Variants in UGT2B17 observed in about 807,000 individuals in gnomAD.
UGT2B17 encodes the protein UDP-glucuronosyltransferase 2B17.
In UGT2B17, 21 loss-of-function variants were observed where a neutral mutation model predicts 48.2. The observed-to-expected ratio is 0.44, with a 90% CI of 0.31 to 0.63. UGT2B17 has a LOEUF of 0.63. Ranked by LOEUF, UGT2B17 falls within the 20% of genes least tolerant of loss-of-function variation. UGT2B17 has a pLI of 0.08. For missense variants in UGT2B17, 402 were observed against 696.1 expected, an observed-to-expected ratio of 0.58 and a Z score of 4.75; for synonymous variants, 146 against 238.4, an observed-to-expected ratio of 0.61 and a Z score of 3.57.
chr4:68,571,234 A>AT lies in UGT2B17; in HGVS notation c.-64-2687dup, dbSNP rs1731293755. On this transcript the variant is annotated intron_variant, in intron 1 of 6. Coordinates refer to ENST00000317746, the MANE Select transcript of UGT2B17 (RefSeq NM_001077.4). ...TCATCTTTTCCTATGGCTATGCTTCATTTTTTTGTTCCCAGGAAGCATAGA... is the reference window on the plus strand; with the variant it reads ...TCATCTTTTCCTATGGCTATGCTTCATTTTTTTTGTTCCCAGGAAGCATAGA... 1.6e-5 allele frequency among the ~76,000 whole-genome samples: 2 copies of AT among 124,366 alleles called. 1 individual carries two copies. The highest frequency in any genetic ancestry group is 5.5e-5 in the African/African-American group (2 of 36,152). The allele number at this position is 124,366 out of a possible 152,430, so 81.6% of individuals were successfully genotyped here.
Position 68,537,676 on chromosome 4 carries a change from C to G in UGT2B17, c.1542G>C (p.Leu514=). Residue 514 remains leucine, a synonymous_variant, in exon 7 of 7, where the codon CTG becomes CTC. Transcript: ENST00000317746. The part of the protein sequence containing the change: ...TMIFMITKCC[L]FCFRKLAKTG... Reference sequence around the variant, plus strand: ...TTTTGGCAAGCTTTCGGAAACAAAACAGGCAACATTTTGTGATCATAAATA... The same window carrying G: ...TTTTGGCAAGCTTTCGGAAACAAAAGAGGCAACATTTTGTGATCATAAATA... 3 of 1,376,996 alleles carry G rather than the reference C, an allele frequency of 2.2e-6. No individual in the cohort carries two copies. The highest frequency in any genetic ancestry group is 2.8e-6 in the Non-Finnish European group (3 of 1,053,430). The allele number at this position is 1,376,996 out of a possible 1,614,324, so 85.3% of individuals were successfully genotyped here.
Position 68,567,746 on chromosome 4 carries a change from G to T in UGT2B17, c.724+15C>A. ...AATTAGAACTTAATAAACACCAATT[G>T]GACACACGACTTACCTAGAACTTCA... On this transcript the variant is annotated intron_variant, in intron 2 of 6. Coordinates refer to ENST00000317746, the MANE Select transcript of UGT2B17 (RefSeq NM_001077.4). 1 of 1,294,482 alleles carries T rather than the reference G, an allele frequency of 7.7e-7. No individual in the cohort carries two copies. Among genetic ancestry groups the T allele is most frequent in the Admixed American group, 2.8e-5 (1 of 35,830 alleles). 80.2% of individuals were successfully genotyped at this position (1,294,482 alleles called of 1,614,324 possible).
intron 1 of UGT2B17, among the ~76,000 whole-genome samples, chr4:68,570,235 A>G (rs2109779424): frequency 7.8e-6 from 1 of 127,478 alleles, no homozygotes; most frequent in Middle Eastern, 4.0e-3. Flanking sequence ...AAGATTTCAC[A>G]TGAAATGGTC....
chr4:68,558,667 A>T (rs1379206056), intron 4 of UGT2B17, among the ~76,000 whole-genome samples: 1 of 126,156 alleles, frequency 7.9e-6, no homozygotes, highest in African/African-American at 2.7e-5. Context: ...CCTGCTTAGG[A>T]ATAAACCTTC....
rs1473466629 is a variant in UGT2B17 at position 68,557,991 on chromosome 4, A to G, written c.1005+2546T>C. On this transcript the variant is annotated intron_variant, in intron 4 of 6. Coordinates refer to ENST00000317746, the MANE Select transcript of UGT2B17 (RefSeq NM_001077.4). ...AGAGGAATTCACCCAACTCATAGGT[A>G]TTTGATGGTACAAATCTATGGCTTG... Among the ~76,000 whole-genome samples, 4 of 125,362 alleles carry G rather than the reference A, an allele frequency of 3.2e-5. 1 individual carries two copies. The highest frequency in any genetic ancestry group is 6.8e-5 in the Non-Finnish European group (4 of 59,176). The allele number at this position is 125,362 out of a possible 152,430, so 82.2% of individuals were successfully genotyped here. A position where few individuals can be genotyped will look rare whatever the true frequency, so the allele number is the denominator to read the frequency against.
intron 6 of UGT2B17, among the ~76,000 whole-genome samples, chr4:68,546,763 G>A (rs1258560122): frequency 3.2e-5 from 4 of 125,042 alleles, no homozygotes; most frequent in African/African-American, 1.1e-4. Flanking sequence ...AAAATCACAA[G>A]CATTCTTATA....
intron 4 of UGT2B17, among the ~76,000 whole-genome samples, chr4:68,554,276 AAAG>A (rs1277130807): frequency 1.6e-5 from 2 of 123,970 alleles, no homozygotes; most frequent in Non-Finnish European, 3.4e-5. Flanking sequence ...AATGATGAGA[AAAG>A]AAGAAGAATG....
rs544517714 is a variant in UGT2B17, at chr4:68,574,947, C to T, written c.-65+1004G>A. 1.2e-4 allele frequency among the ~76,000 whole-genome samples: 8 copies of T among 66,438 alleles called. 3 individuals are homozygous for T. The South Asian group carries it at 6.8e-3, about 56-fold the overall frequency. 43.6% of individuals were successfully genotyped at this position (66,438 alleles called of 152,430 possible). On this transcript the variant is annotated intron_variant, in intron 1 of 6. Coordinates refer to ENST00000317746, the MANE Select transcript of UGT2B17 (RefSeq NM_001077.4). ...TCTTTTTACATAAATTTTACCTCCTCCCCCCCCTTTTTTTTTTGAAGATAA... is the reference window on the plus strand; with the variant it reads ...TCTTTTTACATAAATTTTACCTCCTTCCCCCCCTTTTTTTTTTGAAGATAA...
rs1731069041 is a variant in UGT2B17 at position 68,559,765 on chromosome 4, G to A, written c.1005+772C>T. ...TAGTTCCTGCTCCTTCCTCAATGTG[G>A]AGAAGGCACTAATCTGATTCTTAGA... is the stretch of plus-strand genomic sequence containing the variant. On this transcript the variant is annotated intron_variant, in intron 4 of 6. Transcript: ENST00000317746. 2.4e-5 allele frequency among the ~76,000 whole-genome samples: 3 copies of A among 125,966 alleles called. 1 individual carries two copies. Among genetic ancestry groups the A allele is most frequent in the Non-Finnish European group, 5.0e-5 (3 of 59,530 alleles). 82.6% of individuals were successfully genotyped at this position (125,966 alleles called of 152,430 possible). A position where few individuals can be genotyped will look rare whatever the true frequency, so the allele number is the denominator to read the frequency against.
rs200575231 is a variant in UGT2B17 at position 68,568,164 on chromosome 4, C to G, written c.321G>C (p.Trp107Cys). Residue 107 changes from tryptophan (W) to cysteine (C), a missense_variant, in exon 2 of 7, where the codon TGG becomes TGC. Around this residue, in one of 5 missense-constraint regions of UGT2B17, gnomAD observed 84 missense variants for 92.6 expected, o/e 0.91. Transcript: ENST00000317746. ...ATTCTTGTAGTTGTGAAAAATATGA[C>G]CAAAATGTATTTTTTGAAATACTAT... is the stretch of plus-strand genomic sequence containing the variant. ...WTYSISKNTF[W>C]SYFSQLQELC... 1 of 1,379,656 alleles carries G rather than the reference C, an allele frequency of 7.2e-7. No homozygotes were observed. The highest frequency in any genetic ancestry group is 9.5e-7 in the Non-Finnish European group (1 of 1,053,996). The allele number at this position is 1,379,656 out of a possible 1,614,324, so 85.5% of individuals were successfully genotyped here.
At chr4:68,545,706 G>T (rs1171000826) in intron 6 of UGT2B17, among the ~76,000 whole-genome samples, 1 of 124,772 alleles carries the variant, frequency 8.0e-6, no homozygotes, top group Non-Finnish European at 1.7e-5. Flanking sequence ...AAAGAGAGAC[G>T]AATCAAATAG....
At position 68,569,648 on chromosome 4, in the gene UGT2B17, A is replaced by G. The variant is rs955926901; in HGVS notation, c.-64-1100T>C. 4.0e-5 allele frequency among the ~76,000 whole-genome samples: 5 copies of G among 125,956 alleles called. 1 individual carries two copies. The highest frequency in any genetic ancestry group is 1.4e-4 in the African/African-American group (5 of 36,816). The allele number at this position is 125,956 out of a possible 152,430, so 82.6% of individuals were successfully genotyped here. Reference sequence around the variant, plus strand: ...GCTGCTTGCATCAGCAGCGTGTGTCAGCAAGATAGCAGAAGCAGGAAGAGA... The same window carrying G: ...GCTGCTTGCATCAGCAGCGTGTGTCGGCAAGATAGCAGAAGCAGGAAGAGA... On this transcript the variant is annotated intron_variant, in intron 1 of 6. Coordinates refer to ENST00000317746, the MANE Select transcript of UGT2B17 (RefSeq NM_001077.4).
rs1560581932 is a variant in UGT2B17, at chr4:68,567,760, C to T, written c.724+1G>A. 1 of 1,330,318 alleles carries T rather than the reference C, an allele frequency of 7.5e-7. No individual in the cohort carries two copies. The highest frequency in any genetic ancestry group is 9.7e-7 in the Non-Finnish European group (1 of 1,034,652). The allele number at this position is 1,330,318 out of a possible 1,614,324, so 82.4% of individuals were successfully genotyped here. A position where few individuals can be genotyped will look rare whatever the true frequency, so the allele number is the denominator to read the frequency against. The stretch of plus-strand genomic sequence containing the variant: ...AAACACCAATTGGACACACGACTTA[C>T]CTAGAACTTCACTATAAAACTGGTC... On this transcript the variant is annotated splice_donor_variant, in intron 2 of 6. Transcript: ENST00000317746. LOFTEE classifies it high-confidence loss of function.
rs1248884315 is a variant in UGT2B17 at position 68,575,392 on chromosome 4, C to T, written c.-65+559G>A. 1.1e-4 allele frequency among the ~76,000 whole-genome samples: 14 copies of T among 124,266 alleles called. 5 individuals carry two copies. The highest frequency in any genetic ancestry group is 8.5e-5 in the Non-Finnish European group (5 of 59,088). 81.5% of individuals were successfully genotyped at this position (124,266 alleles called of 152,430 possible). On this transcript the variant is annotated intron_variant, in intron 1 of 6. Coordinates refer to ENST00000317746, the MANE Select transcript of UGT2B17 (RefSeq NM_001077.4). Reference sequence around the variant, plus strand: ...AACTAAAAAGACCTATCTAGGCTTCCTTCTGATGGCTAACCTACCTCTAAT... The same window carrying T: ...AACTAAAAAGACCTATCTAGGCTTCTTTCTGATGGCTAACCTACCTCTAAT...
Position 68,557,859 on chromosome 4 carries a change from C to A in UGT2B17, c.1005+2678G>T, listed in dbSNP as rs1435297685. ...ACCCCTTGGGAAAACTGGCCTCATA[C>A]CTTCATCTATAAGGTCCCTGTACAG... is the stretch of plus-strand genomic sequence containing the variant. On this transcript the variant is annotated intron_variant, in intron 4 of 6. Coordinates refer to ENST00000317746, the MANE Select transcript of UGT2B17 (RefSeq NM_001077.4). Among the ~76,000 whole-genome samples the A allele has an allele frequency of 1.6e-5, 2 of 124,308 alleles. 1 individual carries two copies. The highest frequency in any genetic ancestry group is 1.5e-3 in the East Asian group (2 of 1,302). 81.6% of individuals were successfully genotyped at this position (124,308 alleles called of 152,430 possible).
In UGT2B17 at chr4:68,572,444, A is replaced by T. The variant is rs1731310373; in HGVS notation, c.-65+3507T>A. On this transcript the variant is annotated intron_variant, in intron 1 of 6. Transcript: ENST00000317746. ...TTGGATAGAATAGCATTATACAAACAATTTGTTGTTGTTTTTGTTGCTATT... is the reference window on the plus strand; with the variant it reads ...TTGGATAGAATAGCATTATACAAACTATTTGTTGTTGTTTTTGTTGCTATT... Among the ~76,000 whole-genome samples, 2 of 126,116 alleles carry T rather than the reference A, an allele frequency of 1.6e-5. 1 individual carries two copies. Among genetic ancestry groups the T allele is most frequent in the Admixed American group, 1.6e-4 (2 of 12,360 alleles). The allele number at this position is 126,116 out of a possible 152,430, so 82.7% of individuals were successfully genotyped here.
chr4:68,563,156 G>T lies in UGT2B17; in HGVS notation c.873+2416C>A, dbSNP rs1731134374. Among the ~76,000 whole-genome samples, 2 of 127,034 alleles carry T rather than the reference G, an allele frequency of 1.6e-5. 1 individual carries two copies. Among genetic ancestry groups the T allele is most frequent in the Non-Finnish European group, 3.3e-5 (2 of 59,834 alleles). The allele number at this position is 127,034 out of a possible 152,430, so 83.3% of individuals were successfully genotyped here. ...TCAAACACTTGATACTTTTTGGCAA[G>T]AGTCTTATTCTTTTGAAATATACAA... On this transcript the variant is annotated intron_variant, in intron 3 of 6. Coordinates refer to ENST00000317746, the MANE Select transcript of UGT2B17 (RefSeq NM_001077.4).
intron 4 of UGT2B17, among the ~76,000 whole-genome samples, chr4:68,555,545 A>C (rs1489785955): frequency 7.9e-6 from 1 of 126,358 alleles, no homozygotes; most frequent in East Asian, 7.5e-4. Context: ...AGATGGAGTT[A>C]GGTCAGATCT....
At chr4:68,560,949 C>A (rs1332188919) in intron 3 of UGT2B17, among the ~76,000 whole-genome samples, 3 of 124,592 alleles carry the variant, frequency 2.4e-5, no homozygotes, top group Non-Finnish European at 3.4e-5. Context: ...GGAGATAATG[C>A]TAGAAAATAT....
Sources: gnomAD v4.1 joint callset for allele counts (sites outside exome capture counted in the v4.1 genomes callset) on GRCh38, gnomAD v4.1.1 for gene constraint, gnomAD v4.1.1 regional missense constraint, MANE v1.5 for transcripts, NCBI Gene and HGNC (gene_info 2026-07-23, HGNC 2026-07-21) for gene names.